Variants in DPH2 observed in about 807,000 individuals in gnomAD.
The protein encoded by DPH2 is 2-(3-amino-3-carboxypropyl)histidine synthase subunit 2.
DPH2 carries 28 observed loss-of-function variants against 42.5 expected under a neutral mutation model. That is an observed-to-expected ratio of 0.66 (90% CI 0.49 to 0.90). The LOEUF (loss-of-function observed/expected upper bound fraction) is 0.90. Ranked by LOEUF, DPH2 falls within the 40% of genes least tolerant of loss-of-function variation. DPH2 has a pLI of 0.00. For missense variants in DPH2, 576 were observed against 636.0 expected, an observed-to-expected ratio of 0.91 and a Z score of 1.01; for synonymous variants, 279 against 264.4, an observed-to-expected ratio of 1.06 and a Z score of -0.53.
At position 43,972,456 on chromosome 1, in the gene DPH2, C is replaced by G; in HGVS notation, c.1387C>G (p.Arg463Gly). The G allele has an allele frequency of 1.9e-6, 3 of 1,614,238 alleles. No individual in the cohort carries two copies. Among genetic ancestry groups the G allele is most frequent in the Non-Finnish European group, 2.5e-6 (3 of 1,180,048 alleles). The change falls in exon 6 of 6, where the codon CGC becomes GGC. Residue 463 changes from arginine to glycine, a missense_variant. Transcript: ENST00000255108. ...CCGGAGCTGGCAAGGGCTGGAGCCC[C>G]GCCTGGGTCAGACGCCAGTGACAGA... is the stretch of plus-strand genomic sequence containing the variant. ...SSRSWQGLEP[R>G]LGQTPVTEAV...
intron 1 of DPH2, 110 bp from the exon 2 acceptor site, chr1:43,970,486 C>A: frequency 1.3e-6 from 2 of 1,523,202 alleles, no homozygotes; most frequent in African/African-American, 1.4e-5. Flanking sequence ...GCAGAGTGCC[C>A]CTCTGGGACC....
At position 43,971,563 on chromosome 1, in the gene DPH2, G is replaced by T. The variant is rs375192674; in HGVS notation, c.661G>T (p.Gly221Cys). The T allele has an allele frequency of 1.2e-6, 2 of 1,614,166 alleles. No individual in the cohort carries two copies. The highest frequency in any genetic ancestry group is 1.7e-6 in the Non-Finnish European group (2 of 1,180,012). The change falls in exon 4 of 6, where the codon GGC (glycine) becomes TGC (cysteine). Residue 221 changes from glycine to cysteine, a missense_variant. Coordinates refer to ENST00000255108, the MANE Select transcript of DPH2 (RefSeq NM_001384.5). Reference protein sequence around the residue: ...LEEYGAFYVGGSKASPDPDLD... With the variant: ...LEEYGAFYVGCSKASPDPDLD... Reference sequence around the variant, plus strand: ...AGAGTATGGTGCCTTCTATGTAGGGGGCTCTAAGGCCAGCCCTGACCCAGA... The same window carrying T: ...AGAGTATGGTGCCTTCTATGTAGGGTGCTCTAAGGCCAGCCCTGACCCAGA...
rs1010478248 is a variant in DPH2, at chr1:43,972,763, A to G, written c.*224A>G. The G allele has an allele frequency of 1.3e-5, 8 of 600,140 alleles. No homozygotes were observed. The highest frequency in any genetic ancestry group is 2.0e-5 in the Non-Finnish European group (7 of 355,264). The allele number at this position is 600,140 out of a possible 1,614,324, so 37.2% of individuals were successfully genotyped here. On this transcript the variant is annotated 3_prime_UTR_variant, in exon 6 of 6. Coordinates refer to ENST00000255108, the MANE Select transcript of DPH2 (RefSeq NM_001384.5). Reference sequence around the variant, plus strand: ...GCGTGTTGTTTGGCTGATGGAATAAAGGGCTTAGGGACTTCCCTGAGGCCT... The same window carrying G: ...GCGTGTTGTTTGGCTGATGGAATAAGGGGCTTAGGGACTTCCCTGAGGCCT...
chr1:43,970,521 G>A, intron 1 of DPH2, 75 bp from the exon 2 acceptor site: 7 of 1,561,060 alleles, frequency 4.5e-6, no homozygotes, highest in Non-Finnish European at 6.2e-6. Flanking sequence ...TTGAGTGGGA[G>A]CTCCTGGAAG....
At position 43,973,126 on chromosome 1, in the gene DPH2, A is replaced by G. The variant is rs919279536; in HGVS notation, c.*587A>G. ...GAACCACTGGTCTAGCTAGACCTGC[A>G]CTGTCCAGTACAGTAGCCACTAAAT... is the stretch of plus-strand genomic sequence containing the variant. On this transcript the variant is annotated 3_prime_UTR_variant, in exon 6 of 6. Coordinates refer to ENST00000255108, the MANE Select transcript of DPH2 (RefSeq NM_001384.5). 8 of 152,448 alleles carry G rather than the reference A, an allele frequency of 5.2e-5. No homozygotes were observed. Among genetic ancestry groups the G allele is most frequent in the African/African-American group, 1.9e-4 (8 of 41,466 alleles). 9.4% of individuals were successfully genotyped at this position (152,448 alleles called of 1,614,324 possible). A position where few individuals can be genotyped will look rare whatever the true frequency, so the allele number is the denominator to read the frequency against.
At chr1:43,970,815 A>G in intron 2 of DPH2, 107 bp downstream of exon 2, 1 of 1,312,272 alleles carries the variant, frequency 7.6e-7, no homozygotes, top group Non-Finnish European at 1.1e-6. Flanking sequence ...CTTGATGATA[A>G]TGGTAATGAC....
At position 43,971,023 on chromosome 1, in the gene DPH2, TG is replaced by T; in HGVS notation, c.320del (p.Gly107AlafsTer5). 2 of 1,585,220 alleles carry T rather than the reference TG, an allele frequency of 1.3e-6. No homozygotes were observed. The highest frequency in any genetic ancestry group is 2.3e-5 in the East Asian group (1 of 43,938). On this transcript the variant is annotated frameshift_variant, in exon 3 of 6. Transcript: ENST00000255108. LOFTEE classifies it high-confidence loss of function. ...QAGAQALIHF[G>X]PACLSPPARP... ...CTGGAGCTCAGGCTCTCATACATTTTGGCCCTGCCTGCTTAAGCCCTCCAGC... is the reference window on the plus strand; with the variant it reads ...CTGGAGCTCAGGCTCTCATACATTTTGCCCTGCCTGCTTAAGCCCTCCAGC...
chr1:43,970,266 G>A lies in DPH2; in HGVS notation c.91G>A (p.Gly31Arg), dbSNP rs775594787. Reference protein sequence around the residue: ...GLLTPLPDLDGVYELERVAGF... With the variant: ...GLLTPLPDLDRVYELERVAGF... ...GCTTACTCCTCTTCCGGACCTGGAC[G>A]GAGTGTACGAGCTGGAGCGAGTCGC... The change falls in exon 1 of 6, where the codon GGA (glycine) becomes AGA (arginine). Residue 31 changes from glycine (G) to arginine (R), a missense_variant. Gly to Arg is a moderately radical substitution (Grantham distance 125). This residue lies in a region of DPH2 where 395 missense variants were observed against 435.2 expected (regional missense o/e 0.91). Transcript: ENST00000255108. The A allele has an allele frequency of 1.9e-5, 30 of 1,614,132 alleles. No individual in the cohort carries two copies. In the Admixed American group the frequency reaches 3.5e-4, roughly 19 times the overall value.
In DPH2 at chr1:43,970,039, AC is replaced by A. The variant is rs1183297262; in HGVS notation, c.-135del. 1 of 996,128 alleles carries A rather than the reference AC, an allele frequency of 1.0e-6. No homozygotes were observed. Among genetic ancestry groups the A allele is most frequent in the Non-Finnish European group, 1.4e-6 (1 of 692,266 alleles). 61.7% of individuals were successfully genotyped at this position (996,128 alleles called of 1,614,324 possible). A position where few individuals can be genotyped will look rare whatever the true frequency, so the allele number is the denominator to read the frequency against. ...GTTAGGATGGCTGAAGGGGATACTC[AC>A]CGGCTGAAGGCCGACTGTGATTCCC... On this transcript the variant is annotated 5_prime_UTR_variant, in exon 1 of 6. It introduces an in-frame stop codon into an upstream open reading frame of the 5' UTR. Transcript: ENST00000255108.
intron 2 of DPH2, 104 bp from the exon 3 acceptor site, chr1:43,970,862 C>T (rs539411300): frequency 1.7e-5 from 23 of 1,363,080 alleles, no homozygotes; most frequent in Middle Eastern, 3.6e-4. Context: ...TTGACAATGT[C>T]TTCCTTTAAT....
In DPH2 at chr1:43,972,681, A is replaced by G. The variant is rs2085461119; in HGVS notation, c.*142A>G. ...GAGAGCAGGCAGCCCTTCACAGGAT[A>G]GGATCCGTCTCTGTCCTGTCCTGGC... On this transcript the variant is annotated 3_prime_UTR_variant, in exon 6 of 6. Coordinates refer to ENST00000255108, the MANE Select transcript of DPH2 (RefSeq NM_001384.5). 7 of 1,231,800 alleles carry G rather than the reference A, an allele frequency of 5.7e-6. No individual in the cohort carries two copies. Among genetic ancestry groups the G allele is most frequent in the South Asian group, 4.3e-5 (3 of 69,572 alleles). The allele number at this position is 1,231,800 out of a possible 1,614,324, so 76.3% of individuals were successfully genotyped here. A position where few individuals can be genotyped will look rare whatever the true frequency, so the allele number is the denominator to read the frequency against.
At chr1:43,970,442 G>T in intron 1 of DPH2, 120 bp downstream of exon 1, 1 of 1,535,300 alleles carries the variant, frequency 6.5e-7, no homozygotes, top group South Asian at 1.2e-5. Context: ...TCCGCAGCGC[G>T]TTGACCATCC....
Position 43,970,277 on chromosome 1 carries a change from G to A in DPH2, c.102G>A (p.Glu34=), listed in dbSNP as rs761585568. Residue 34 remains glutamate, a synonymous_variant, in exon 1 of 6, where the codon GAG becomes GAA. Transcript: ENST00000255108. ...TPLPDLDGVY[E]LERVAGFVRD... is the part of the protein sequence containing the mutation. ...TTCCGGACCTGGACGGAGTGTACGA[G>A]CTGGAGCGAGTCGCTGGATTTGTCC... 7 of 1,614,140 alleles carry A rather than the reference G, an allele frequency of 4.3e-6. No individual in the cohort carries two copies. The highest frequency in any genetic ancestry group is 5.9e-6 in the Non-Finnish European group (7 of 1,180,054).
Sources: gnomAD v4.1 joint callset for allele counts on GRCh38, gnomAD v4.1.1 for gene constraint, gnomAD v4.1.1 regional missense constraint, MANE v1.5 for transcripts, NCBI Gene and HGNC (gene_info 2026-07-23, HGNC 2026-07-21) for gene names.